POLI: variants seen among roughly 807,000 people sequenced by gnomAD.
The protein encoded by POLI is RAD30 homolog B.
POLI carries 58 observed loss-of-function variants against 51.6 expected under a neutral mutation model. The observed-to-expected ratio is 1.12, with a 90% CI of 0.91 to 1.40. The LOEUF (loss-of-function observed/expected upper bound fraction) is 1.40, where lower values mean the gene tolerates loss of function less well. POLI is among the 40% of genes most tolerant of loss of function. The pLI, the probability that POLI is intolerant of heterozygous loss-of-function variation, is 0.00. For synonymous variants in POLI, 322 were observed against 299.7 expected, an observed-to-expected ratio of 1.07 and a Z score of -0.77; for missense variants, 921 against 871.3, an observed-to-expected ratio of 1.06 and a Z score of -0.72.
chr18:54,297,156 G>GCA lies in POLI; in HGVS notation c.*2690_*2691dup. ...ACTACTAGCCGAAGGTTTTGTCTCT[G>GCA]CAGGTCAATTCCAAACTAACAGGCA... On this transcript the variant is annotated 3_prime_UTR_variant, in exon 10 of 10. Coordinates refer to ENST00000579534, the MANE Select transcript of POLI (RefSeq NM_007195.3). 1.0e-6 allele frequency: 1 copy of GCA among 985,406 alleles called. No homozygotes were observed. The highest frequency in any genetic ancestry group is 1.2e-6 in the Non-Finnish European group (1 of 829,906). The allele number at this position is 985,406 out of a possible 1,614,324, so 61.0% of individuals were successfully genotyped here.
At chr18:54,281,030 G>GTA (rs56402632) in intron 5 of POLI, 127 bp downstream of exon 5, 108,369 of 560,166 alleles carry the variant, frequency 0.19, 11,748 homozygotes, top group Middle Eastern at 0.24. Context: ...ATGTGTGTGT[G>GTA]TGTGTATACT....
At chr18:54,306,111 G>A (rs541012248) in intron 3 of POLI, among the ~76,000 whole-genome samples, 1 of 152,238 alleles carries the variant, frequency 6.6e-6, no homozygotes, top group African/African-American at 2.4e-5. Context: ...CCAACACTAT[G>A]TTGAATAGGA....
chr18:54,289,735 C>T (rs556776295), intron 8 of POLI, among the ~76,000 whole-genome samples: 1 of 152,068 alleles, frequency 6.6e-6, no homozygotes, highest in South Asian at 2.1e-4. Context: ...GGAAAGGATT[C>T]CCTATATAAT....
intron 1 of POLI, 96 bp downstream of exon 1, chr18:54,269,757 C>T: frequency 1.4e-6 from 2 of 1,395,956 alleles, no homozygotes; most frequent in Non-Finnish European, 1.8e-6. Flanking sequence ...GGGGCGCGAC[C>T]GTCCCCGCCC....
chr18:54,296,719 A>T lies in POLI; in HGVS notation c.*2252A>T. On this transcript the variant is annotated 3_prime_UTR_variant, in exon 10 of 10. Coordinates refer to ENST00000579534, the MANE Select transcript of POLI (RefSeq NM_007195.3). Reference sequence around the variant, plus strand: ...CATCAGCTCTATCTTTCTGTTTACTAGTTCATTTTTCAGTAGCATCTCACC... The same window carrying T: ...CATCAGCTCTATCTTTCTGTTTACTTGTTCATTTTTCAGTAGCATCTCACC... 5.1e-6 allele frequency: 1 copy of T among 197,340 alleles called. No homozygotes were observed. The highest frequency in any genetic ancestry group is 9.1e-6 in the Non-Finnish European group (1 of 109,822). The allele number at this position is 197,340 out of a possible 1,614,324, so 12.2% of individuals were successfully genotyped here. A position where few individuals can be genotyped will look rare whatever the true frequency, so the allele number is the denominator to read the frequency against.
rs550638487 is a variant in POLI at position 54,269,532 on chromosome 18, G to C, written c.-15G>C. The C allele has an allele frequency of 6.0e-6, 9 of 1,507,564 alleles. No homozygotes were observed. The highest frequency in any genetic ancestry group is 7.1e-6 in the Non-Finnish European group (8 of 1,132,314). 93.4% of individuals were successfully genotyped at this position (1,507,564 alleles called of 1,614,324 possible). Reference sequence around the variant, plus strand: ...GGAAGCGGCCGGAAGTAGCGCTGCGGTTGGCAGCGGCGGGATGGAGAAGCT... The same window carrying C: ...GGAAGCGGCCGGAAGTAGCGCTGCGCTTGGCAGCGGCGGGATGGAGAAGCT... On this transcript the variant is annotated 5_prime_UTR_variant, in exon 1 of 10. Coordinates refer to ENST00000579534, the MANE Select transcript of POLI (RefSeq NM_007195.3).
At chr18:54,307,848 C>T (rs1382278259) in intron 3 of POLI, among the ~76,000 whole-genome samples, 4 of 150,408 alleles carry the variant, frequency 2.7e-5, no homozygotes. Flanking sequence ...ATGGCCTTGT[C>T]TCTTTTGATT....
At position 54,296,911 on chromosome 18, in the gene POLI, C is replaced by T; in HGVS notation, c.*2444C>T. On this transcript the variant is annotated 3_prime_UTR_variant, in exon 10 of 10. Transcript: ENST00000579534. Reference sequence around the variant, plus strand: ...TTCAATATTTTAAGTCTTTATAAGTCTACATTTAAGGTTATTATTGCATAT... The same window carrying T: ...TTCAATATTTTAAGTCTTTATAAGTTTACATTTAAGGTTATTATTGCATAT... 1.0e-6 allele frequency: 1 copy of T among 955,884 alleles called. No homozygotes were observed. The highest frequency in any genetic ancestry group is 1.8e-5 in the African/African-American group (1 of 56,644). The allele number at this position is 955,884 out of a possible 1,614,324, so 59.2% of individuals were successfully genotyped here.
chr18:54,278,725 G>A (rs2087363210), intron 4 of POLI, among the ~76,000 whole-genome samples: 1 of 152,218 alleles, frequency 6.6e-6, no homozygotes, highest in Non-Finnish European at 1.5e-5. Context: ...AAAATAAGCT[G>A]CAGTAAGCAC....
chr18:54,281,746 C>CT (rs34681381), intron 5 of POLI, among the ~76,000 whole-genome samples: 10,233 of 141,750 alleles, frequency 0.072, 403 homozygotes, highest in African/African-American at 0.094. Flanking sequence ...GTTCTTGTAT[C>CT]TTTTTTTTTT....
At position 54,296,359 on chromosome 18, in the gene POLI, T is replaced by C. The variant is rs2088328273; in HGVS notation, c.*1892T>C. 1 of 985,190 alleles carries C rather than the reference T, an allele frequency of 1.0e-6. No individual in the cohort carries two copies. The highest frequency in any genetic ancestry group is 6.1e-5 in the Admixed American group (1 of 16,266). The allele number at this position is 985,190 out of a possible 1,614,324, so 61.0% of individuals were successfully genotyped here. Reference sequence around the variant, plus strand: ...CAGTTACGCTACTTATTTTGTGGTTTTAAGTTAGTCTCAACATCTTTGGGC... The same window carrying C: ...CAGTTACGCTACTTATTTTGTGGTTCTAAGTTAGTCTCAACATCTTTGGGC... On this transcript the variant is annotated 3_prime_UTR_variant, in exon 10 of 10. Coordinates refer to ENST00000579534, the MANE Select transcript of POLI (RefSeq NM_007195.3).
Position 54,289,300 on chromosome 18 carries a change from T to C in POLI, c.1198+1889T>C, listed in dbSNP as rs551224355. 4.0e-5 allele frequency among the ~76,000 whole-genome samples: 6 copies of C among 151,288 alleles called. No individual in the cohort carries two copies. In the East Asian group the frequency reaches 1.2e-3, roughly 29 times the overall value. ...ATGGTTAGCCAGTGATTGGCAAAGG[T>C]TTTGCTCAAACACTAGAGTCTGGAA... On this transcript the variant is annotated intron_variant, in intron 8 of 9. Transcript: ENST00000579534.
chr18:54,281,838 CTACTT>C (rs1340613150), intron 5 of POLI, among the ~76,000 whole-genome samples: 1 of 150,558 alleles, frequency 6.6e-6, no homozygotes, highest in Non-Finnish European at 1.5e-5. Flanking sequence ...ATCTGTCACT[CTACTT>C]TAATAGTTCC....
chr18:54,289,551 G>A (rs2087900075), intron 8 of POLI, among the ~76,000 whole-genome samples: 1 of 151,724 alleles, frequency 6.6e-6, no homozygotes, highest in East Asian at 1.9e-4. Flanking sequence ...CAAAGCTGGA[G>A]GCATCATGCT....
chr18:54,271,207 C>T, intron 1 of POLI, 153 bp from the exon 2 acceptor site: 4 of 565,984 alleles, frequency 7.1e-6, no homozygotes, highest in Middle Eastern at 2.7e-4. Flanking sequence ...AGTTTCATGT[C>T]TTTGTAATTT....
rs946278807 is a variant in POLI, at chr18:54,297,465, A to G, written c.*2998A>G. The G allele has an allele frequency of 1.4e-5, 14 of 980,802 alleles. No individual in the cohort carries two copies. The African/African-American group carries it at 2.5e-4, about 17-fold the overall frequency. 60.8% of individuals were successfully genotyped at this position (980,802 alleles called of 1,614,324 possible). On this transcript the variant is annotated 3_prime_UTR_variant, in exon 10 of 10. Coordinates refer to ENST00000579534, the MANE Select transcript of POLI (RefSeq NM_007195.3). ...AATTAAGAGGTCTCTTTTCTCCAAG[A>G]TCTAGTGTTTTGTACTAGGAGAACT...
chr18:54,289,770 GC>G (rs1399366604), intron 8 of POLI, among the ~76,000 whole-genome samples: 7 of 152,242 alleles, frequency 4.6e-5, no homozygotes, highest in Middle Eastern at 3.4e-3. Flanking sequence ...AAACTGGCTA[GC>G]CATATGTAGA....
Position 54,294,200 on chromosome 18 carries a change from T to C in POLI, c.1956T>C (p.Ala652=). ...TCCACTTTACAAATTCAAACCCTGC[T>C]GTGTCTGCTTTTCATTCATTTCCAA... is the stretch of plus-strand genomic sequence containing the variant. The part of the protein sequence containing the change: ...QGFHFTNSNP[A]VSAFHSFPNL... The change falls in exon 10 of 10, where the codon GCT becomes GCC. Residue 652 remains alanine, a synonymous_variant. Coordinates refer to ENST00000579534, the MANE Select transcript of POLI (RefSeq NM_007195.3). 1 of 1,613,478 alleles carries C rather than the reference T, an allele frequency of 6.2e-7. No homozygotes were observed. Among genetic ancestry groups the C allele is most frequent in the Non-Finnish European group, 8.5e-7 (1 of 1,179,518 alleles).
chr18:54,283,952 T>C lies in POLI; in HGVS notation c.1006T>C (p.Cys336Arg), dbSNP rs1252391082. ...TAGTGAAGAAGATTCATTTAAAAAA[T>C]GTTCATCTGAAGTTGAAGCTAAAAA... is the stretch of plus-strand genomic sequence containing the variant. ...SFSEEDSFKKCSSEVEAKNKI... is the reference protein window; with the variant it reads ...SFSEEDSFKKRSSEVEAKNKI... The change falls in exon 7 of 10, where the codon TGT (cysteine) becomes CGT (arginine). Residue 336 changes from cysteine to arginine, a missense_variant. By Grantham distance (180) the Cys-to-Arg change is radical. Coordinates refer to ENST00000579534, the MANE Select transcript of POLI (RefSeq NM_007195.3). 1.4e-6 allele frequency: 2 copies of C among 1,448,428 alleles called. No homozygotes were observed. The highest frequency in any genetic ancestry group is 1.8e-5 in the Admixed American group (1 of 55,592). The allele number at this position is 1,448,428 out of a possible 1,614,324, so 89.7% of individuals were successfully genotyped here.
Sources: gnomAD v4.1 joint callset for allele counts (sites outside exome capture counted in the v4.1 genomes callset) on GRCh38, gnomAD v4.1.1 for gene constraint, MANE v1.5 for transcripts, NCBI Gene and HGNC (gene_info 2026-07-23, HGNC 2026-07-21) for gene names.